The following GRM7 variants were observed in gnomAD, a reference collection of about 807,000 sequenced individuals.
The protein encoded by GRM7 is metabotropic glutamate receptor 7.
Under a neutral mutation model 84.5 loss-of-function variants are expected in GRM7, and 35 were observed. The ratio of observed to expected loss-of-function variants is 0.41; its 90% confidence interval spans 0.32 to 0.55. GRM7 has a LOEUF of 0.55. GRM7 is among the 20% of genes least tolerant of loss of function. The pLI is 0.19. For synonymous variants in GRM7, 487 were observed against 455.1 expected (o/e 1.07, Z -0.89); for missense variants, 1,003 against 1,194.6 (o/e 0.84, Z 2.36).
At chr3:7,411,573 G>T (rs73810626) in intron 4 of GRM7, among the ~76,000 whole-genome samples, 2,528 of 152,112 alleles carry the variant, frequency 0.017, 50 homozygotes, top group African/African-American at 0.043. Context: ...AAACAATGTG[G>T]CTTATTTCTG....
At chr3:7,567,120 C>T (rs1559407447) in intron 7 of GRM7, among the ~76,000 whole-genome samples, 1 of 152,158 alleles carries the variant, frequency 6.6e-6, no homozygotes, top group Non-Finnish European at 1.5e-5. Context: ...CTTACACCCA[C>T]TCACTTCATT....
intron 1 of GRM7, among the ~76,000 whole-genome samples, chr3:7,090,257 G>T (rs1159129073): frequency 6.6e-6 from 1 of 152,170 alleles, no homozygotes; most frequent in East Asian, 1.9e-4. Context: ...ATGAGGATTT[G>T]GGTATTTGTT....
At chr3:7,646,520 G>A (rs552347745) in intron 8 of GRM7, among the ~76,000 whole-genome samples, 36 of 152,200 alleles carry the variant, frequency 2.4e-4, no homozygotes, top group Middle Eastern at 3.4e-3. Context: ...AGCCATCATG[G>A]TGCAGTTAGT....
intron 7 of GRM7, among the ~76,000 whole-genome samples, chr3:7,529,400 C>T (rs762277940): frequency 1.2e-4 from 19 of 152,088 alleles, no homozygotes; most frequent in Non-Finnish European, 1.9e-4. Flanking sequence ...GCTGTCTATT[C>T]GCACATCCAT....
chr3:7,728,081 G>T (rs1462235352), intron 9 of GRM7, among the ~76,000 whole-genome samples: 1 of 152,186 alleles, frequency 6.6e-6, no homozygotes, highest in Non-Finnish European at 1.5e-5. Context: ...AAAACAAGAA[G>T]CCACTGAACT....
At chr3:7,183,225 G>A (rs940178005) in intron 2 of GRM7, among the ~76,000 whole-genome samples, 1 of 152,200 alleles carries the variant, frequency 6.6e-6, no homozygotes, top group Admixed American at 6.5e-5. Flanking sequence ...AGACTAGGAA[G>A]TTAAGAAAGA....
intron 8 of GRM7, among the ~76,000 whole-genome samples, chr3:7,590,264 A>G (rs554517330): frequency 2.6e-5 from 4 of 152,248 alleles, no homozygotes; most frequent in African/African-American, 9.6e-5. Context: ...CACTATTACA[A>G]TTACGACAGT....
chr3:7,683,108 G>T (rs1237951268), intron 9 of GRM7, among the ~76,000 whole-genome samples: 1 of 152,082 alleles, frequency 6.6e-6, no homozygotes, highest in Non-Finnish European at 1.5e-5. Flanking sequence ...TATGCTTTTG[G>T]TTTCCTTATT....
At chr3:7,463,840 A>T (rs768392682) in intron 7 of GRM7, among the ~76,000 whole-genome samples, 1 of 152,210 alleles carries the variant, frequency 6.6e-6, no homozygotes, top group African/African-American at 2.4e-5. Context: ...TAAACATTTT[A>T]TTCTGAGTGC....
chr3:7,594,765 T>A (rs1398456674), intron 8 of GRM7, among the ~76,000 whole-genome samples: 1 of 152,082 alleles, frequency 6.6e-6, no homozygotes, highest in African/African-American at 2.4e-5. Context: ...TGCAAAAGCA[T>A]CTGCAGGCTC....
At chr3:6,949,038 G>T (rs960273093) in intron 1 of GRM7, among the ~76,000 whole-genome samples, 5 of 150,176 alleles carry the variant, frequency 3.3e-5, no homozygotes, top group African/African-American at 1.2e-4. Flanking sequence ...TTTAATTGGA[G>T]CATTTAGCCC....
chr3:7,565,475 G>T (rs1394393822), intron 7 of GRM7, among the ~76,000 whole-genome samples: 2 of 152,128 alleles, frequency 1.3e-5, no homozygotes, highest in Non-Finnish European at 2.9e-5. Flanking sequence ...CATTCCAGTG[G>T]GTATAGGGAC....
intron 1 of GRM7, among the ~76,000 whole-genome samples, chr3:7,124,189 C>G (rs1476723155): frequency 2.0e-5 from 3 of 152,128 alleles, no homozygotes; most frequent in Non-Finnish European, 2.9e-5. Context: ...ATCAGAAATT[C>G]TATATTCTGA....
rs529872013 is a variant in GRM7 at position 7,305,425 on chromosome 3, C to T, written c.879-1073C>T. Among the ~76,000 whole-genome samples, 561 of 58,990 alleles carry T rather than the reference C, an allele frequency of 9.5e-3. 68 individuals are homozygous for T. Among genetic ancestry groups the T allele is most frequent in the African/African-American group, 0.023 (545 of 23,664 alleles). The allele number at this position is 58,990 out of a possible 152,430, so 38.7% of individuals were successfully genotyped here. On this transcript the variant is annotated intron_variant, in intron 3 of 9. Transcript: ENST00000357716. The stretch of plus-strand genomic sequence containing the variant: ...GGTTAGTTACATATGTATACATGTG[C>T]CATGCTGGTGCGCTGCACCCACTAA...
At chr3:7,293,501 T>A (rs1161578146) in intron 2 of GRM7, among the ~76,000 whole-genome samples, 2 of 152,206 alleles carry the variant, frequency 1.3e-5, no homozygotes, top group East Asian at 3.8e-4. Context: ...GTCCTATCTG[T>A]CATGGCTCTT....
chr3:7,238,594 A>T (rs1475998627), intron 2 of GRM7, among the ~76,000 whole-genome samples: 3 of 152,152 alleles, frequency 2.0e-5, no homozygotes, highest in African/African-American at 7.2e-5. Flanking sequence ...CATACAGAAG[A>T]AACTCAATAA....
At position 7,182,896 on chromosome 3, in the gene GRM7, G is replaced by GTTTTT. The variant is rs5846493; in HGVS notation, c.736+36243_736+36247dup. ...TAGGTTTTAGGCGTAACGTGAAAGT[G>GTTTTT]TTTTTTTTTTTTTTTTTTTCAATGA... On this transcript the variant is annotated intron_variant, in intron 2 of 9. Transcript: ENST00000357716. Among the ~76,000 whole-genome samples, 77 of 110,674 alleles carry GTTTTT rather than the reference G, an allele frequency of 7.0e-4. 3 individuals carry two copies. Among genetic ancestry groups the GTTTTT allele is most frequent in the Non-Finnish European group, 1.1e-3 (57 of 54,162 alleles). 72.6% of individuals were successfully genotyped at this position (110,674 alleles called of 152,430 possible).
chr3:7,557,806 G>A (rs1478273327), intron 7 of GRM7, among the ~76,000 whole-genome samples: 1 of 152,108 alleles, frequency 6.6e-6, no homozygotes, highest in East Asian at 1.9e-4. Context: ...TCCCCTCCTT[G>A]TTCTCTTAAG....
chr3:7,385,289 AT>A lies in GRM7; in HGVS notation c.1034-29705del, dbSNP rs574917994. On this transcript the variant is annotated intron_variant, in intron 4 of 9. Coordinates refer to ENST00000357716, the MANE Select transcript of GRM7 (RefSeq NM_000844.4). ...TTTGTGGAATCTTATTTCTATATGG[AT>A]TTTTTTTTTTTTTTTTTTTTTTTTT... Among the ~76,000 whole-genome samples the A allele has an allele frequency of 2.6e-3, 173 of 67,238 alleles. 4 individuals carry two copies. The highest frequency in any genetic ancestry group is 8.6e-3 in the African/African-American group (155 of 18,100). 44.1% of individuals were successfully genotyped at this position (67,238 alleles called of 152,430 possible).
Sources: gnomAD v4.1 joint callset for allele counts (sites outside exome capture counted in the v4.1 genomes callset) on GRCh38, gnomAD v4.1.1 for gene constraint, MANE v1.5 for transcripts, NCBI Gene and HGNC (gene_info 2026-07-23, HGNC 2026-07-21) for gene names.